The following SLC25A42 variants were observed in gnomAD, a reference collection of about 807,000 sequenced individuals.
The protein encoded by SLC25A42 is solute carrier family 25 member 42.
Under a neutral mutation model 34.7 loss-of-function variants are expected in SLC25A42, and 19 were observed. That is an observed-to-expected ratio of 0.55 (90% CI 0.38 to 0.80). SLC25A42 has a LOEUF of 0.80. Among genes scored for constraint, SLC25A42 ranks in the 30% least tolerant of loss-of-function variants. The pLI is 0.00. For missense variants in SLC25A42, 364 were observed against 441.3 expected (o/e 0.82, Z 1.57); for synonymous variants, 205 against 191.2 (o/e 1.07, Z -0.59).
chr19:19,078,017 G>A lies in SLC25A42; in HGVS notation c.-35+13902G>A, dbSNP rs182481153. On this transcript the variant is annotated intron_variant, in intron 1 of 7. Transcript: ENST00000318596. ...TTGGTGTGTTACATAGTGTCCCATC[G>A]TGGGACATACCACACACGTGTTCCC... Among the ~76,000 whole-genome samples, 289 of 152,336 alleles carry A rather than the reference G, an allele frequency of 1.9e-3. 9 individuals carry two copies. Among genetic ancestry groups the A allele is most frequent in the Admixed American group, 1.3e-3 (20 of 15,300 alleles).
chr19:19,066,011 C>G (rs1331815808), intron 1 of SLC25A42, among the ~76,000 whole-genome samples: 2 of 151,856 alleles, frequency 1.3e-5, no homozygotes, highest in African/African-American at 4.8e-5. Flanking sequence ...CATGTGCCAC[C>G]ACACCCAGCT....
chr19:19,065,352 A>T (rs2059596497), intron 1 of SLC25A42, among the ~76,000 whole-genome samples: 1 of 152,132 alleles, frequency 6.6e-6, no homozygotes. Context: ...AGAGTAAGGA[A>T]ACACTCTTTA....
chr19:19,074,702 A>AGTGTGTGTGTGCGTGCGT (rs2059647101), intron 1 of SLC25A42, among the ~76,000 whole-genome samples: 2 of 151,246 alleles, frequency 1.3e-5, no homozygotes, highest in African/African-American at 2.4e-5. Flanking sequence ...TGTGTGAGAG[A>AGTGTGTGTGTGCGTGCGT]GTGTGTGTGT....
chr19:19,070,715 A>G (rs758669005), intron 1 of SLC25A42, among the ~76,000 whole-genome samples: 2 of 152,212 alleles, frequency 1.3e-5, no homozygotes, highest in Non-Finnish European at 2.9e-5. Context: ...AAAGAAGGCC[A>G]TGTTCTGAGG....
At chr19:19,095,041 A>G (rs1337393831) in intron 1 of SLC25A42, among the ~76,000 whole-genome samples, 1 of 152,044 alleles carries the variant, frequency 6.6e-6, no homozygotes, top group African/African-American at 2.4e-5. Flanking sequence ...CTAAAAATAA[A>G]AAAATAAAAA....
intron 1 of SLC25A42, among the ~76,000 whole-genome samples, chr19:19,082,527 T>C (rs1258257284): frequency 1.3e-5 from 2 of 152,032 alleles, no homozygotes; most frequent in East Asian, 3.9e-4. Flanking sequence ...CACACCCGAC[T>C]AATTTTTGTA....
At chr19:19,078,677 C>T (rs1326975938) in intron 1 of SLC25A42, among the ~76,000 whole-genome samples, 3 of 152,148 alleles carry the variant, frequency 2.0e-5, no homozygotes, top group South Asian at 2.1e-4. Flanking sequence ...GGGAAGGATC[C>T]GTAAGAAAAG....
chr19:19,101,723 G>C (rs2059797278), intron 2 of SLC25A42, 58 bp from the exon 3 acceptor site: 2 of 1,491,282 alleles, frequency 1.3e-6, no homozygotes, highest in African/African-American at 2.8e-5. Flanking sequence ...TCTGGGGCAA[G>C]GTCCTCTGCG....
intron 7 of SLC25A42, 112 bp downstream of exon 7, chr19:19,108,157 C>T: frequency 8.0e-7 from 1 of 1,251,026 alleles, no homozygotes; most frequent in Non-Finnish European, 1.1e-6. Context: ...GGTACGACCC[C>T]TGGGTGGGGC....
intron 1 of SLC25A42, among the ~76,000 whole-genome samples, chr19:19,077,168 A>T (rs1211481833): frequency 6.6e-6 from 1 of 152,242 alleles, no homozygotes; most frequent in African/African-American, 2.4e-5. Flanking sequence ...TGGGTGGCAG[A>T]GCGAGAGACC....
intron 1 of SLC25A42, among the ~76,000 whole-genome samples, chr19:19,094,442 A>C (rs1599679958): frequency 6.8e-6 from 1 of 146,172 alleles, no homozygotes; most frequent in East Asian, 2.0e-4. Context: ...GGTGCCCATG[A>C]CCCCCTCGCC....
Position 19,065,901 on chromosome 19 carries a change from G to T in SLC25A42, c.-35+1786G>T, listed in dbSNP as rs1430162823. On this transcript the variant is annotated intron_variant, in intron 1 of 7. Transcript: ENST00000318596. ...AGACGGAGTCTTGCTCTGTTGCCCA[G>T]GCTGGAGTGCAGTGGTGTGATCTCG... Among the ~76,000 whole-genome samples the T allele has an allele frequency of 6.6e-5, 10 of 152,144 alleles. 1 individual carries two copies. The highest frequency in any genetic ancestry group is 5.9e-4 in the Admixed American group (9 of 15,262).
At chr19:19,083,552 T>TGCCCA (rs2059691599) in intron 1 of SLC25A42, among the ~76,000 whole-genome samples, 1 of 152,184 alleles carries the variant, frequency 6.6e-6, no homozygotes, top group Non-Finnish European at 1.5e-5. Context: ...GCCCCTGCCC[T>TGCCCA]GCCCAGCAGC....
rs1315049542 is a variant in SLC25A42, at chr19:19,112,385, G to A, written c.*1509G>A. 6.6e-6 allele frequency: 1 copy of A among 152,384 alleles called. No homozygotes were observed. The highest frequency in any genetic ancestry group is 2.4e-5 in the African/African-American group (1 of 41,464). 9.4% of individuals were successfully genotyped at this position (152,384 alleles called of 1,614,324 possible). The stretch of plus-strand genomic sequence containing the variant: ...AGCCATCCCTGATCTTGTCCCCAGA[G>A]GCCCAGGCAGCCTGTGATGGCTGTG... On this transcript the variant is annotated 3_prime_UTR_variant, in exon 8 of 8. Transcript: ENST00000318596. The surrounding 1 kb of genome is among the most constrained non-coding windows in gnomAD (Gnocchi z 4.3).
At chr19:19,092,886 A>C (rs909415682) in intron 1 of SLC25A42, among the ~76,000 whole-genome samples, 1 of 152,132 alleles carries the variant, frequency 6.6e-6, no homozygotes, top group African/African-American at 2.4e-5. Flanking sequence ...GTAGTCAGAC[A>C]TGGCTGATTG....
chr19:19,097,303 G>C (rs1410399439), intron 2 of SLC25A42, among the ~76,000 whole-genome samples: 2 of 152,204 alleles, frequency 1.3e-5, no homozygotes, highest in Non-Finnish European at 2.9e-5. Context: ...TCTCAGAGCA[G>C]CAGGCGGGCG....
intron 3 of SLC25A42, among the ~76,000 whole-genome samples, chr19:19,103,885 C>CTTATTTAT (rs3040514): frequency 0.011 from 1,619 of 148,522 alleles, 27 homozygotes; most frequent in African/African-American, 0.037. Context: ...AAGGGACAGC[C>CTTATTTAT]TTATTTATTT....
In SLC25A42 at chr19:19,110,596, C is replaced by T. The variant is rs759920889; in HGVS notation, c.677C>T (p.Pro226Leu). Residue 226 changes from proline (P) to leucine (L), a missense_variant, in exon 8 of 8, where the codon CCC (proline) becomes CTC (leucine). Coordinates refer to ENST00000318596, the MANE Select transcript of SLC25A42 (RefSeq NM_178526.5). ...TACAGCGGCCGCCGGCAGCCCTACC[C>T]CTTCGAGCGCATGATCTTCGGCGCC... ...REYSGRRQPY[P>L]FERMIFGACA... The T allele has an allele frequency of 1.6e-5, 24 of 1,481,772 alleles. No homozygotes were observed. The highest frequency in any genetic ancestry group is 2.1e-5 in the Non-Finnish European group (23 of 1,120,906). 91.8% of individuals were successfully genotyped at this position (1,481,772 alleles called of 1,614,324 possible). A position where few individuals can be genotyped will look rare whatever the true frequency, so the allele number is the denominator to read the frequency against.
At chr19:19,088,202 ATTTTT>A (rs10706701) in intron 1 of SLC25A42, among the ~76,000 whole-genome samples, 1 of 96,746 alleles carries the variant, frequency 1.0e-5, no homozygotes, top group Non-Finnish European at 2.1e-5. Context: ...CTGATCTTCA[ATTTTT>A]TTTTTTTTTT....
Sources: gnomAD v4.1 joint callset for allele counts (sites outside exome capture counted in the v4.1 genomes callset) on GRCh38, gnomAD v4.1.1 for gene constraint, Gnocchi (gnomAD v3.1) non-coding constraint, MANE v1.5 for transcripts, NCBI Gene and HGNC (gene_info 2026-07-23, HGNC 2026-07-21) for gene names.